Variants in TTC28 observed in about 807,000 individuals in gnomAD.
TTC28 encodes tetratricopeptide repeat domain 28.
In TTC28, 61 loss-of-function variants were observed where a neutral mutation model predicts 198.0. That is an observed-to-expected ratio of 0.31 (90% CI 0.25 to 0.38). The LOEUF is 0.38. TTC28 is among the 10% of genes least tolerant of loss of function. TTC28 has a pLI of 1.00. For missense variants in TTC28, 2,678 were observed against 3,164.0 expected, an observed-to-expected ratio of 0.85 and a Z score of 3.69; for synonymous variants, 1,171 against 1,297.8, an observed-to-expected ratio of 0.90 and a Z score of 2.10.
At chr22:27,999,577 C>T (rs1388607867) in intron 15 of TTC28, 2 of 326,840 alleles carry the variant, frequency 6.1e-6, no homozygotes, top group Middle Eastern at 8.3e-4. Flanking sequence ...AGCCAGCCTG[C>T]TCCACAATCC....
At chr22:28,086,158 C>T (rs201891506) in intron 12 of TTC28, among the ~76,000 whole-genome samples, 10,829 of 152,078 alleles carry the variant, frequency 0.071, 637 homozygotes, top group East Asian at 0.24. Flanking sequence ...CTGCACTAAG[C>T]GGACCTAATA....
At chr22:28,108,863 C>T (rs1942403369) in intron 6 of TTC28, among the ~76,000 whole-genome samples, 1 of 152,174 alleles carries the variant, frequency 6.6e-6, no homozygotes, top group Non-Finnish European at 1.5e-5. Context: ...TGCTAATTTC[C>T]TTTAATAATC....
intron 13 of TTC28, among the ~76,000 whole-genome samples, chr22:28,027,825 A>G (rs957249243): frequency 6.6e-6 from 1 of 152,252 alleles, no homozygotes; most frequent in African/African-American, 2.4e-5. Flanking sequence ...CTGGCAGGGA[A>G]GCTGCGAGGC....
chr22:28,132,680 T>C (rs867858159), intron 6 of TTC28, among the ~76,000 whole-genome samples: 37 of 152,200 alleles, frequency 2.4e-4, no homozygotes, highest in African/African-American at 8.7e-4. Flanking sequence ...ATTCAGATCA[T>C]TGGCTAACTG....
intron 1 of TTC28, among the ~76,000 whole-genome samples, chr22:28,673,997 G>A (rs1036889203): frequency 2.3e-4 from 35 of 152,164 alleles, no homozygotes; most frequent in Admixed American, 3.3e-4. Flanking sequence ...AAAAAAAGTA[G>A]TGAAAAAACA....
At chr22:28,079,828 G>A (rs531984826) in intron 12 of TTC28, among the ~76,000 whole-genome samples, 6 of 152,158 alleles carry the variant, frequency 3.9e-5, no homozygotes, top group East Asian at 1.9e-4. Context: ...TCCCAGGCTC[G>A]TGTGATTCCC....
chr22:28,348,233 A>G lies in TTC28; in HGVS notation c.382-41590T>C, dbSNP rs188762095. 2.0e-5 allele frequency among the ~76,000 whole-genome samples: 3 copies of G among 152,338 alleles called. No individual in the cohort carries two copies. The East Asian group carries it at 5.8e-4, about 29-fold the overall frequency. Reference sequence around the variant, plus strand: ...CAGAACTCACAGATGTGGTCTAAAAATAGGAGATGCAGCTCCAGCCATTGC... The same window carrying G: ...CAGAACTCACAGATGTGGTCTAAAAGTAGGAGATGCAGCTCCAGCCATTGC... On this transcript the variant is annotated intron_variant, in intron 2 of 22. Coordinates refer to ENST00000397906, the MANE Select transcript of TTC28 (RefSeq NM_001145418.2).
chr22:28,554,242 G>T (rs1301109463), intron 2 of TTC28, among the ~76,000 whole-genome samples: 6 of 149,998 alleles, frequency 4.0e-5, no homozygotes, highest in Non-Finnish European at 8.9e-5. Context: ...ACTGCGGAAG[G>T]CCGCAGGGTC....
chr22:28,530,258 C>T (rs541149458), intron 2 of TTC28, among the ~76,000 whole-genome samples: 1 of 152,182 alleles, frequency 6.6e-6, no homozygotes, highest in Admixed American at 6.5e-5. Flanking sequence ...AACTACGTGA[C>T]ACATGCACAA....
chr22:28,066,784 T>TAACCCTCA (rs1022873248), intron 12 of TTC28, among the ~76,000 whole-genome samples: 7 of 152,130 alleles, frequency 4.6e-5, no homozygotes. Context: ...TGGGTCCCCC[T>TAACCCTCA]AACCCTCTTC....
intron 12 of TTC28, among the ~76,000 whole-genome samples, chr22:28,070,323 T>G (rs939224110): frequency 1.3e-5 from 2 of 152,092 alleles, no homozygotes; most frequent in African/African-American, 4.8e-5. Flanking sequence ...ACTACTGTGA[T>G]TAGGGACAGC....
rs145256417 is a variant in TTC28 at position 28,411,484 on chromosome 22, A to G, written c.382-104841T>C. Among the ~76,000 whole-genome samples the G allele has an allele frequency of 1.4e-3, 211 of 152,364 alleles. 1 individual carries two copies. Among genetic ancestry groups the G allele is most frequent in the African/African-American group, 5.0e-3 (208 of 41,592 alleles). The stretch of plus-strand genomic sequence containing the variant: ...CTTATCCTTCCTGAGAAACTCAGAA[A>G]GAGGTTCTGCAAAGAAGATCTGAAA... On this transcript the variant is annotated intron_variant, in intron 2 of 22. Coordinates refer to ENST00000397906, the MANE Select transcript of TTC28 (RefSeq NM_001145418.2).
chr22:28,595,279 T>C (rs1466496925), intron 2 of TTC28, among the ~76,000 whole-genome samples: 2 of 152,134 alleles, frequency 1.3e-5, no homozygotes, highest in Non-Finnish European at 1.5e-5. Flanking sequence ...GAAAAGTAAA[T>C]GGCAAGGTTA....
rs1048276563 is a variant in TTC28 at position 28,297,779 on chromosome 22, C to T, written c.603G>A (p.Val201=). The stretch of plus-strand genomic sequence containing the variant: ...CAGCTGTCAGGAGTTCCTGCCCAAC[C>T]ACAGACACGACCACAAAGGGACTCT... ...LDKSPFVVVS[V]VGQELLTAGH... is the part of the protein sequence containing the mutation. The change falls in exon 4 of 23, where the codon GTG becomes GTA. Residue 201 remains valine (V), a synonymous_variant. Coordinates refer to ENST00000397906, the MANE Select transcript of TTC28 (RefSeq NM_001145418.2). The T allele has an allele frequency of 1.9e-6, 3 of 1,551,534 alleles. No homozygotes were observed. In the African/African-American group the frequency reaches 4.1e-5, roughly 21 times the overall value.
chr22:28,246,862 GA>G (rs1409283429), intron 5 of TTC28, among the ~76,000 whole-genome samples: 1 of 152,086 alleles, frequency 6.6e-6, no homozygotes, highest in Non-Finnish European at 1.5e-5. Context: ...GGCAGAATAA[GA>G]GATGGGGATG....
intron 13 of TTC28, among the ~76,000 whole-genome samples, chr22:28,027,560 G>A (rs547981613): frequency 1.2e-3 from 188 of 152,340 alleles, no homozygotes; most frequent in Middle Eastern, 3.4e-3. Flanking sequence ...AAATCACTGA[G>A]CTGGAGAGCC....
At chr22:28,624,296 T>C (rs919935487) in intron 2 of TTC28, among the ~76,000 whole-genome samples, 1 of 151,902 alleles carries the variant, frequency 6.6e-6, no homozygotes, top group African/African-American at 2.4e-5. Flanking sequence ...GAGAATGGCG[T>C]GAACCCGGGA....
At chr22:28,585,961 G>A (rs1215234391) in intron 2 of TTC28, among the ~76,000 whole-genome samples, 1 of 151,204 alleles carries the variant, frequency 6.6e-6, no homozygotes, top group African/African-American at 2.4e-5. Flanking sequence ...ATGTATCCCT[G>A]AACTTAAGGT....
chr22:28,105,314 T>C lies in TTC28; in HGVS notation c.3272A>G (p.Gln1091Arg). 1.9e-6 allele frequency: 3 copies of C among 1,551,728 alleles called. No individual in the cohort carries two copies. The highest frequency in any genetic ancestry group is 1.7e-6 in the Non-Finnish European group (2 of 1,146,996). ...SSLGRTHHAL[Q>R]NYSQAVMYLQ... is the part of the protein sequence containing the mutation. ...GTACATGACTGCTTGGGAATAGTTC[T>C]GCAAGGCATGATGGGTCCTTCCAAG... The change falls in exon 8 of 23, where the codon CAG (glutamine) becomes CGG (arginine). Residue 1091 changes from glutamine (Q) to arginine (R), a missense_variant. Coordinates refer to ENST00000397906, the MANE Select transcript of TTC28 (RefSeq NM_001145418.2).
Sources: allele counts gnomAD v4.1 joint callset (sites outside exome capture counted in the v4.1 genomes callset), GRCh38; gene constraint gnomAD v4.1.1; transcripts MANE v1.5; gene names NCBI Gene and HGNC (gene_info 2026-07-23, HGNC 2026-07-21).